PRKCSH: variants seen among roughly 807,000 people sequenced by gnomAD.
PRKCSH encodes the protein PRKCSH beta subunit of glucosidase II.
A neutral mutation model predicts 79.7 loss-of-function variants in PRKCSH; 42 were observed. That is an observed-to-expected ratio of 0.53 (90% CI 0.41 to 0.68). The LOEUF (loss-of-function observed/expected upper bound fraction) is 0.68. PRKCSH is among the 30% of genes least tolerant of loss of function. The probability of loss-of-function intolerance (pLI) is 0.00; values close to 1 mark genes in which losing one functional copy is unlikely to be tolerated. For synonymous variants in PRKCSH, 325 were observed against 288.2 expected, an observed-to-expected ratio of 1.13 and a Z score of -1.29; for missense variants, 686 against 709.0, an observed-to-expected ratio of 0.97 and a Z score of 0.37.
intron 5 of PRKCSH, among the ~76,000 whole-genome samples, chr19:11,439,035 G>A (rs1403718384): frequency 6.6e-6 from 1 of 151,854 alleles, no homozygotes; most frequent in Non-Finnish European, 1.5e-5. Context: ...AGCCTCCCAA[G>A]TAGCTGGGAA....
chr19:11,448,649 G>C lies in PRKCSH; in HGVS notation c.1286+20G>C. 2 of 1,611,040 alleles carry C rather than the reference G, an allele frequency of 1.2e-6. No individual in the cohort carries two copies. Among genetic ancestry groups the C allele is most frequent in the Non-Finnish European group, 1.7e-6 (2 of 1,177,292 alleles). On this transcript the variant is annotated intron_variant, in intron 14 of 17. Transcript: ENST00000677123. The surrounding 1 kb of genome is among the most constrained non-coding windows in gnomAD (Gnocchi z 4.4). The stretch of plus-strand genomic sequence containing the variant: ...CAACGAGTGCGTCCCAGGAATGCAG[G>C]GGCCCCCACTGGCAGGGTGGGAGGC...
At position 11,435,676 on chromosome 19, in the gene PRKCSH, C is replaced by A. The variant is rs1157749257; in HGVS notation, c.-108C>A. 1 of 1,302,578 alleles carries A rather than the reference C, an allele frequency of 7.7e-7. No homozygotes were observed. Among genetic ancestry groups the A allele is most frequent in the African/African-American group, 1.5e-5 (1 of 66,506 alleles). The allele number at this position is 1,302,578 out of a possible 1,614,324, so 80.7% of individuals were successfully genotyped here. On this transcript the variant is annotated 5_prime_UTR_variant, in exon 1 of 18. Coordinates refer to ENST00000677123, the MANE Select transcript of PRKCSH (RefSeq NM_001289104.2). ...CCGCGGCTGCTGGACAAGAGGGGTG[C>A]GGTGGATACTGACCTTTGCTCCGGC... is the stretch of plus-strand genomic sequence containing the variant.
Position 11,448,822 on chromosome 19 carries a change from T to C in PRKCSH, c.1287-92T>C, listed in dbSNP as rs1970448964. On this transcript the variant is annotated intron_variant, in intron 14 of 17. Transcript: ENST00000677123. This position sits in a 1 kb window ranked among gnomAD's most constrained non-coding sequence, Gnocchi z 4.4. The stretch of plus-strand genomic sequence containing the variant: ...GGTCATTGGAGTTGGAGGTACCCTG[T>C]GTGTGGGGACTGGAGGAGGCGGTGG... The C allele has an allele frequency of 2.7e-6, 4 of 1,497,994 alleles. No homozygotes were observed. In the Admixed American group the frequency reaches 5.0e-5, roughly 19 times the overall value. The allele number at this position is 1,497,994 out of a possible 1,614,324, so 92.8% of individuals were successfully genotyped here.
intron 7 of PRKCSH, among the ~76,000 whole-genome samples, chr19:11,444,866 G>C (rs572619865): frequency 1.3e-5 from 2 of 151,196 alleles, no homozygotes; most frequent in Non-Finnish European, 2.9e-5. Flanking sequence ...GCCCTGCCCC[G>C]ACATGCCTCT....
chr19:11,447,730 G>C lies in PRKCSH; in HGVS notation c.1067G>C (p.Ser356Thr). ...PPPLSPPQPASPAEEDKMPPY... is the reference protein window; with the variant it reads ...PPPLSPPQPATPAEEDKMPPY... ...CCACTGTCACCCCCGCAGCCGGCCA[G>C]CCCTGCTGAGGAAGACAAAATGCCG... Residue 356 changes from serine (S) to threonine (T), a missense_variant, in exon 12 of 18, where the codon AGC becomes ACC. Around this residue, in one of 2 missense-constraint regions of PRKCSH, gnomAD observed 549 missense variants for 520.2 expected, o/e 1.06. Coordinates refer to ENST00000677123, the MANE Select transcript of PRKCSH (RefSeq NM_001289104.2). The surrounding 1 kb of genome is among the most constrained non-coding windows in gnomAD (Gnocchi z 5.6). 1 of 1,595,152 alleles carries C rather than the reference G, an allele frequency of 6.3e-7. No homozygotes were observed. The highest frequency in any genetic ancestry group is 8.5e-7 in the Non-Finnish European group (1 of 1,171,094).
rs1279886629 is a variant in PRKCSH at position 11,449,242 on chromosome 19, G to A, written c.1462-24G>A. ...AGGCCTGGCCCAGCCGAACCCTCTCGAGCACCCGTCTGCCCATCCCCAGGT... is the reference window on the plus strand; with the variant it reads ...AGGCCTGGCCCAGCCGAACCCTCTCAAGCACCCGTCTGCCCATCCCCAGGT... On this transcript the variant is annotated intron_variant, in intron 16 of 17. Coordinates refer to ENST00000677123, the MANE Select transcript of PRKCSH (RefSeq NM_001289104.2). This position sits in a 1 kb window ranked among gnomAD's most constrained non-coding sequence, Gnocchi z 6.4. The A allele has an allele frequency of 8.7e-6, 14 of 1,613,610 alleles. No individual in the cohort carries two copies. Among genetic ancestry groups the A allele is most frequent in the Non-Finnish European group, 1.1e-5 (13 of 1,179,940 alleles).
rs160913 is a variant in PRKCSH at position 11,435,744 on chromosome 19, T to C, written c.-78+38T>C. 4,714 of 1,352,920 alleles carry C rather than the reference T, an allele frequency of 3.5e-3. 145 individuals carry two copies. The African/African-American group carries it at 0.061, about 18-fold the overall frequency. 83.8% of individuals were successfully genotyped at this position (1,352,920 alleles called of 1,614,324 possible). A position where few individuals can be genotyped will look rare whatever the true frequency, so the allele number is the denominator to read the frequency against. Reference sequence around the variant, plus strand: ...GAGCGGGTGGGAGGGCACCTCAGTTTCTTACAGGGGGCAACCGGAGGGTGC... The same window carrying C: ...GAGCGGGTGGGAGGGCACCTCAGTTCCTTACAGGGGGCAACCGGAGGGTGC... On this transcript the variant is annotated intron_variant, in intron 1 of 17. Coordinates refer to ENST00000677123, the MANE Select transcript of PRKCSH (RefSeq NM_001289104.2).
At chr19:11,435,896 G>A in intron 1 of PRKCSH, 145 bp from the exon 2 acceptor site, 1 of 949,074 alleles carries the variant, frequency 1.1e-6, no homozygotes, top group Non-Finnish European at 1.6e-6. Flanking sequence ...TGAGCAAAGT[G>A]AGACTGGCCA....
At chr19:11,435,823 A>C in intron 1 of PRKCSH, 117 bp downstream of exon 1, 4 of 1,343,526 alleles carry the variant, frequency 3.0e-6, no homozygotes, top group East Asian at 2.9e-5. Context: ...GTTGGCGGGA[A>C]TTGGGTCACA....
chr19:11,449,854 T>C lies in PRKCSH; in HGVS notation c.*16+426T>C. ...CCGGCCATCTCCTGCCTTTTTTTTT[T>C]TGGATGGAGTTTCACTCTTGTTGCC... is the stretch of plus-strand genomic sequence containing the variant. On this transcript the variant is annotated intron_variant, in intron 17 of 17. Transcript: ENST00000677123. This position sits in a 1 kb window ranked among gnomAD's most constrained non-coding sequence, Gnocchi z 6.4. 1 of 228,004 alleles carries C rather than the reference T, an allele frequency of 4.4e-6. No individual in the cohort carries two copies. The highest frequency in any genetic ancestry group is 8.8e-6 in the Non-Finnish European group (1 of 113,510). The allele number at this position is 228,004 out of a possible 1,614,324, so 14.1% of individuals were successfully genotyped here. A position where few individuals can be genotyped will look rare whatever the true frequency, so the allele number is the denominator to read the frequency against.
At chr19:11,446,636 C>G (rs1970317356) in intron 9 of PRKCSH, among the ~76,000 whole-genome samples, 1 of 151,412 alleles carries the variant, frequency 6.6e-6, no homozygotes, top group Non-Finnish European at 1.5e-5. Context: ...CCTCCTCCCC[C>G]ACACCCTCGT....
At chr19:11,439,562 C>T (rs1446687882) in intron 5 of PRKCSH, among the ~76,000 whole-genome samples, 1 of 149,482 alleles carries the variant, frequency 6.7e-6, no homozygotes, top group Non-Finnish European at 1.5e-5. Context: ...TGAGACCAGC[C>T]TGGGCAACAC....
Position 11,442,416 on chromosome 19 carries a change from A to T in PRKCSH, c.499A>T (p.Lys167Ter). ...GCTCATTGAGCTACAGGCTGGGAAG[A>T]AGTCTCTGGAAGACCAGGTGGAGAT... Reference protein sequence around the residue: ...KKLIELQAGKKSLEDQVEMLR... With the variant: ...KKLIELQAGK Residue 167 changes from lysine (K) to a stop codon, truncating the protein, a stop_gained, in exon 7 of 18, where the codon AAG becomes TAG. Coordinates refer to ENST00000677123, the MANE Select transcript of PRKCSH (RefSeq NM_001289104.2). LOFTEE classifies it high-confidence loss of function. 1 of 1,609,918 alleles carries T rather than the reference A, an allele frequency of 6.2e-7. No individual in the cohort carries two copies. The highest frequency in any genetic ancestry group is 2.2e-5 in the East Asian group (1 of 44,836).
Position 11,441,369 on chromosome 19 carries a change from G to A in PRKCSH, c.468+12G>A, listed in dbSNP as rs376199050. On this transcript the variant is annotated intron_variant, in intron 6 of 17. Transcript: ENST00000677123. ...GGGAGGAGAAGCAGGTAAGGAACCCGCGGGGGCTGCCCCAGGGTGATCTGG... is the reference window on the plus strand; with the variant it reads ...GGGAGGAGAAGCAGGTAAGGAACCCACGGGGGCTGCCCCAGGGTGATCTGG... 26 of 1,612,772 alleles carry A rather than the reference G, an allele frequency of 1.6e-5. No homozygotes were observed. Among genetic ancestry groups the A allele is most frequent in the East Asian group, 1.6e-4 (7 of 44,860 alleles).
rs1250874320 is a variant in PRKCSH at position 11,449,027 on chromosome 19, C to A, written c.1361+39C>A. The stretch of plus-strand genomic sequence containing the variant: ...GCTGGCCCCTTCCCTCTGCCTCCTC[C>A]TGGTGCCCCGACACCGGCCCAGCCC... On this transcript the variant is annotated intron_variant, in intron 15 of 17. Coordinates refer to ENST00000677123, the MANE Select transcript of PRKCSH (RefSeq NM_001289104.2). This position sits in a 1 kb window ranked among gnomAD's most constrained non-coding sequence, Gnocchi z 6.4. The A allele has an allele frequency of 3.7e-6, 6 of 1,613,048 alleles. No homozygotes were observed. The highest frequency in any genetic ancestry group is 4.2e-6 in the Non-Finnish European group (5 of 1,179,940).
intron 8 of PRKCSH, chr19:11,445,918 C>T (rs115817702): frequency 0.034 from 12,990 of 379,606 alleles, 253 homozygotes; most frequent in Admixed American, 0.041. Context: ...TCAGAGGGAC[C>T]GAATGGGCAA....
chr19:11,447,408 C>T lies in PRKCSH; in HGVS notation c.850-31C>T. 1 of 1,609,110 alleles carries T rather than the reference C, an allele frequency of 6.2e-7. No individual in the cohort carries two copies. The highest frequency in any genetic ancestry group is 8.5e-7 in the Non-Finnish European group (1 of 1,176,226). ...TGAGGGTGTGGGTGGACCCTGAGTC[C>T]ACAACACCGACCGCACTGCTCACCC... On this transcript the variant is annotated intron_variant, in intron 10 of 17. Transcript: ENST00000677123. This position sits in a 1 kb window ranked among gnomAD's most constrained non-coding sequence, Gnocchi z 5.6.
chr19:11,448,075 C>A lies in PRKCSH; in HGVS notation c.1127-147C>A. 1.1e-6 allele frequency: 1 copy of A among 902,638 alleles called. No homozygotes were observed. The highest frequency in any genetic ancestry group is 1.8e-6 in the Non-Finnish European group (1 of 564,892). 55.9% of individuals were successfully genotyped at this position (902,638 alleles called of 1,614,324 possible). On this transcript the variant is annotated intron_variant, in intron 12 of 17. Coordinates refer to ENST00000677123, the MANE Select transcript of PRKCSH (RefSeq NM_001289104.2). This position sits in a 1 kb window ranked among gnomAD's most constrained non-coding sequence, Gnocchi z 4.4. ...GCAGCAAGTCGGGGCTGCTCTATAG[C>A]TGGTGAGGCCCTCAAGGCTGTCGGG... is the stretch of plus-strand genomic sequence containing the variant.
At position 11,448,720 on chromosome 19, in the gene PRKCSH, A is replaced by G; in HGVS notation, c.1286+91A>G. On this transcript the variant is annotated intron_variant, in intron 14 of 17. Coordinates refer to ENST00000677123, the MANE Select transcript of PRKCSH (RefSeq NM_001289104.2). This position sits in a 1 kb window ranked among gnomAD's most constrained non-coding sequence, Gnocchi z 4.4. ...CCGGCAGTTTCCTGATGGTTGGGGA[A>G]CCATCTGCGGGTGGGGCCCGAGAGT... 1 of 1,414,612 alleles carries G rather than the reference A, an allele frequency of 7.1e-7. No individual in the cohort carries two copies. The highest frequency in any genetic ancestry group is 1.0e-6 in the Non-Finnish European group (1 of 1,001,946). 87.6% of individuals were successfully genotyped at this position (1,414,612 alleles called of 1,614,324 possible).
Sources: allele counts gnomAD v4.1 joint callset (sites outside exome capture counted in the v4.1 genomes callset), GRCh38; gene constraint gnomAD v4.1.1; regional missense constraint gnomAD v4.1.1; non-coding constraint Gnocchi (gnomAD v3.1); transcripts MANE v1.5; gene names NCBI Gene and HGNC (gene_info 2026-07-23, HGNC 2026-07-21).